SUCLG1: variants seen among roughly 807,000 people sequenced by gnomAD.
The protein encoded by SUCLG1 is succinate--CoA ligase [ADP/GDP-forming] subunit alpha, mitochondrial.
Under a neutral mutation model 37.3 loss-of-function variants are expected in SUCLG1, and 26 were observed. The observed-to-expected ratio is 0.70, with a 90% CI of 0.51 to 0.97. SUCLG1 has a LOEUF of 0.97. Ranked by LOEUF, SUCLG1 falls within the 50% of genes least tolerant of loss-of-function variation. The probability of loss-of-function intolerance (pLI) is 0.00; values close to 1 mark genes in which losing one functional copy is unlikely to be tolerated. For synonymous variants in SUCLG1, 163 were observed against 155.6 expected, an observed-to-expected ratio of 1.05 and a Z score of -0.36; for missense variants, 433 against 432.9, an observed-to-expected ratio of 1.00 and a Z score of 0.00.
chr2:84,457,049 T>C (rs552802404), intron 1 of SUCLG1, among the ~76,000 whole-genome samples: 1 of 152,306 alleles, frequency 6.6e-6, no homozygotes, highest in East Asian at 1.9e-4. Context: ...CTGTTAACTC[T>C]AATCAATATT....
intron 7 of SUCLG1, among the ~76,000 whole-genome samples, chr2:84,427,368 T>C (rs1672549055): frequency 6.6e-6 from 1 of 152,246 alleles, no homozygotes; most frequent in East Asian, 1.9e-4. Flanking sequence ...CTTGTTAATT[T>C]AAAACTCATT....
intron 2 of SUCLG1, among the ~76,000 whole-genome samples, chr2:84,447,553 T>A (rs1449003543): frequency 6.6e-6 from 1 of 152,110 alleles, no homozygotes; most frequent in African/African-American, 2.4e-5. Flanking sequence ...TGTGGAGAAT[T>A]TGGGTTAATC....
At chr2:84,450,840 G>A (rs2104265452) in intron 1 of SUCLG1, among the ~76,000 whole-genome samples, 1 of 152,292 alleles carries the variant, frequency 6.6e-6, no homozygotes, top group South Asian at 2.1e-4. Flanking sequence ...TCTGGAGGAA[G>A]TATATGGAAT....
intron 7 of SUCLG1, 88 bp from the exon 8 acceptor site, chr2:84,425,691 A>C (rs1389411026): frequency 6.7e-7 from 1 of 1,481,486 alleles, no homozygotes; most frequent in Non-Finnish European, 9.4e-7. Flanking sequence ...GTAAATGGTA[A>C]ATGGCTTGGG....
At chr2:84,459,084 A>G (rs1673101323) in intron 1 of SUCLG1, 89 bp downstream of exon 1, 6 of 1,362,642 alleles carry the variant, frequency 4.4e-6, no homozygotes, top group Non-Finnish European at 5.9e-6. Context: ...TCCAGCCCTG[A>G]GGGCCCAGCC....
At chr2:84,425,845 A>T in intron 7 of SUCLG1, 1 of 538,662 alleles carries the variant, frequency 1.9e-6, no homozygotes, top group South Asian at 2.1e-5. Flanking sequence ...GTTCAATATA[A>T]AACTTCCACT....
At chr2:84,443,793 T>A (rs1672808771) in intron 2 of SUCLG1, among the ~76,000 whole-genome samples, 2 of 136,892 alleles carry the variant, frequency 1.5e-5, no homozygotes, top group African/African-American at 6.6e-5. Context: ...TTTCCCCTAC[T>A]TCTAAGCCTA....
At position 84,431,804 on chromosome 2, in the gene SUCLG1, T is replaced by C. The variant is rs1672617949; in HGVS notation, c.674-145A>G. On this transcript the variant is annotated intron_variant, in intron 6 of 8. Transcript: ENST00000393868. ...TGTATCATTGCTCTTGCATTTAATA[T>C]TTAAAAAATCACAAAATGCTACATT... 3 of 835,902 alleles carry C rather than the reference T, an allele frequency of 3.6e-6. No homozygotes were observed. The East Asian group carries it at 8.0e-5, about 22-fold the overall frequency. 51.8% of individuals were successfully genotyped at this position (835,902 alleles called of 1,614,324 possible). A position where few individuals can be genotyped will look rare whatever the true frequency, so the allele number is the denominator to read the frequency against.
intron 7 of SUCLG1, chr2:84,427,084 A>T (rs752944949): frequency 1.2e-4 from 19 of 153,732 alleles, no homozygotes; most frequent in Non-Finnish European, 1.3e-4. Flanking sequence ...TATATTTTCA[A>T]CTCTTGAATG....
intron 5 of SUCLG1, among the ~76,000 whole-genome samples, chr2:84,438,131 T>C (rs1672715251): frequency 6.6e-6 from 1 of 152,248 alleles, no homozygotes; most frequent in South Asian, 2.1e-4. Context: ...AAAAGTTCTC[T>C]ATATTGACTG....
rs1467278856 is a variant in SUCLG1, at chr2:84,441,044, C to T, written c.589+3G>A. On this transcript the variant is annotated splice_donor_region_variant and intron_variant, in intron 5 of 8. Transcript: ENST00000393868. ...TCTATAAGAATGTAACAAACAAACT[C>T]ACCAATCCTTCCTTTTTTGTGAATA... The T allele has an allele frequency of 6.2e-7, 1 of 1,613,768 alleles. No individual in the cohort carries two copies. The highest frequency in any genetic ancestry group is 1.3e-5 in the African/African-American group (1 of 74,928).
intron 7 of SUCLG1, among the ~76,000 whole-genome samples, chr2:84,429,638 G>GA (rs1253777605): frequency 6.6e-6 from 1 of 152,100 alleles, no homozygotes; most frequent in East Asian, 1.9e-4. Context: ...ATGTCAGATG[G>GA]AAAACTGATC....
chr2:84,424,605 T>C (rs1188104024), intron 8 of SUCLG1, among the ~76,000 whole-genome samples: 1 of 152,226 alleles, frequency 6.6e-6, no homozygotes, highest in Non-Finnish European at 1.5e-5. Flanking sequence ...TCTCTCTGAA[T>C]GCTGTTCCCT....
At chr2:84,442,680 T>C (rs1672793273) in intron 3 of SUCLG1, among the ~76,000 whole-genome samples, 1 of 152,192 alleles carries the variant, frequency 6.6e-6, no homozygotes, top group Admixed American at 6.5e-5. Context: ...TTAAAAATCA[T>C]TTTAAAAGGT....
intron 5 of SUCLG1, among the ~76,000 whole-genome samples, chr2:84,435,210 C>T (rs1314882395): frequency 6.6e-6 from 1 of 152,108 alleles, no homozygotes; most frequent in Non-Finnish European, 1.5e-5. Flanking sequence ...TCACCTCCAC[C>T]ATCTGACAAA....
At chr2:84,444,585 G>A (rs897144353) in intron 2 of SUCLG1, among the ~76,000 whole-genome samples, 2 of 152,168 alleles carry the variant, frequency 1.3e-5, no homozygotes, top group African/African-American at 4.8e-5. Context: ...TTTCCAGCAC[G>A]CATTGCATTG....
chr2:84,459,161 G>T lies in SUCLG1; in HGVS notation c.97+12C>A. ...CCGCGGGCGCCAGGAAGACAGTACT[G>T]GCTGGACTCACGGAGGAAGCTGCGC... On this transcript the variant is annotated intron_variant, in intron 1 of 8. Coordinates refer to ENST00000393868, the MANE Select transcript of SUCLG1 (RefSeq NM_003849.4). 6.5e-7 allele frequency: 1 copy of T among 1,548,770 alleles called. No individual in the cohort carries two copies. Among genetic ancestry groups the T allele is most frequent in the Non-Finnish European group, 8.7e-7 (1 of 1,145,818 alleles).
rs764130621 is a variant in SUCLG1, at chr2:84,433,275, A to G, written c.673+77T>C. 8 of 1,235,194 alleles carry G rather than the reference A, an allele frequency of 6.5e-6. No homozygotes were observed. The African/African-American group carries it at 9.0e-5, about 14-fold the overall frequency. The allele number at this position is 1,235,194 out of a possible 1,614,324, so 76.5% of individuals were successfully genotyped here. ...GTATCAAAATCTTTTGCAAATAATAAAATCAATAATTATTATTATACTCAT... is the reference window on the plus strand; with the variant it reads ...GTATCAAAATCTTTTGCAAATAATAGAATCAATAATTATTATTATACTCAT... On this transcript the variant is annotated intron_variant, in intron 6 of 8. Coordinates refer to ENST00000393868, the MANE Select transcript of SUCLG1 (RefSeq NM_003849.4).
Position 84,459,274 on chromosome 2 carries a change from C to T in SUCLG1, c.-5G>A. 1 of 1,550,610 alleles carries T rather than the reference C, an allele frequency of 6.4e-7. No homozygotes were observed. The highest frequency in any genetic ancestry group is 8.7e-7 in the Non-Finnish European group (1 of 1,146,724). On this transcript the variant is annotated 5_prime_UTR_variant, in exon 1 of 9. Transcript: ENST00000393868. ...AGCGGCAAGGGTTGCGGTCATACGC[C>T]AATGACACTCCCAGGCCCCCGGGGA...
Sources: gnomAD v4.1 joint callset for allele counts (sites outside exome capture counted in the v4.1 genomes callset) on GRCh38, gnomAD v4.1.1 for gene constraint, MANE v1.5 for transcripts, NCBI Gene and HGNC (gene_info 2026-07-23, HGNC 2026-07-21) for gene names.